RORB: variants seen among roughly 807,000 people sequenced by gnomAD.
The protein encoded by RORB is nuclear receptor ROR-beta.
In RORB, 6 loss-of-function variants were observed where a neutral mutation model predicts 59.1. The observed-to-expected ratio is 0.10, with a 90% CI of 0.06 to 0.20. RORB has a LOEUF of 0.20. Ranked by LOEUF, RORB falls within the 10% of genes least tolerant of loss-of-function variation. The pLI is 1.00. For synonymous variants in RORB, 215 were observed against 204.5 expected, an observed-to-expected ratio of 1.05 and a Z score of -0.44; for missense variants, 320 against 560.5, an observed-to-expected ratio of 0.57 and a Z score of 4.33.
At chr9:74,554,015 G>C (rs1358364253) in intron 1 of RORB, among the ~76,000 whole-genome samples, 4 of 152,172 alleles carry the variant, frequency 2.6e-5, no homozygotes, top group African/African-American at 9.6e-5. Flanking sequence ...CCAATTAACA[G>C]TTGGAGATCG....
intron 1 of RORB, among the ~76,000 whole-genome samples, chr9:74,627,201 G>A (rs1478557292): frequency 1.3e-5 from 2 of 150,350 alleles, no homozygotes; most frequent in African/African-American, 4.9e-5. Context: ...CTGCAGCTCA[G>A]AAGCAGTTTA....
chr9:74,520,662 C>A (rs1162462511), intron 1 of RORB, among the ~76,000 whole-genome samples: 1 of 151,704 alleles, frequency 6.6e-6, no homozygotes, highest in Admixed American at 6.6e-5. Context: ...CAATAATATA[C>A]AATATTTCAA....
At chr9:74,588,749 G>A (rs909886867) in intron 1 of RORB, among the ~76,000 whole-genome samples, 1 of 152,130 alleles carries the variant, frequency 6.6e-6, no homozygotes, top group African/African-American at 2.4e-5. Context: ...GCTATCAATG[G>A]AATCTTGTTT....
At chr9:74,646,148 A>T (rs1367685786) in intron 4 of RORB, among the ~76,000 whole-genome samples, 1 of 151,872 alleles carries the variant, frequency 6.6e-6, no homozygotes, top group Non-Finnish European at 1.5e-5. Context: ...AAAAAATTTA[A>T]CATCACCCTT....
intron 3 of RORB, among the ~76,000 whole-genome samples, chr9:74,635,415 C>T (rs1180845848): frequency 1.3e-5 from 2 of 152,298 alleles, no homozygotes; most frequent in African/African-American, 2.4e-5. Flanking sequence ...CTTGGCTTCC[C>T]AAGGGAACAT....
chr9:74,555,550 T>C (rs978524998), intron 1 of RORB, among the ~76,000 whole-genome samples: 4 of 152,250 alleles, frequency 2.6e-5, no homozygotes, highest in Non-Finnish European at 4.4e-5. Context: ...CAAAGTCACA[T>C]ATCTTTAAAA....
rs1449798109 is a variant in RORB at position 74,655,151 on chromosome 9, T to C, written c.638-5466T>C. The stretch of plus-strand genomic sequence containing the variant: ...TCTTAGTAAATTGAACAAACCTCTG[T>C]CTCACTGAACACATGTAGGGAATCT... On this transcript the variant is annotated intron_variant, in intron 4 of 9. Coordinates refer to ENST00000376896, the MANE Select transcript of RORB (RefSeq NM_006914.4). Among the ~76,000 whole-genome samples, 6 of 152,204 alleles carry C rather than the reference T, an allele frequency of 3.9e-5. No homozygotes were observed. The East Asian group carries it at 9.6e-4, about 24-fold the overall frequency.
chr9:74,535,734 CA>C (rs1826312996), intron 1 of RORB, among the ~76,000 whole-genome samples: 2 of 151,746 alleles, frequency 1.3e-5, no homozygotes, highest in Admixed American at 1.3e-4. Context: ...ATGAGCTATC[CA>C]AATTCAGAAA....
At chr9:74,675,344 A>G (rs779343631) in intron 9 of RORB, among the ~76,000 whole-genome samples, 17 of 150,818 alleles carry the variant, frequency 1.1e-4, no homozygotes, top group Non-Finnish European at 2.4e-4. Flanking sequence ...AAATAAATAT[A>G]CATATATATT....
intron 1 of RORB, among the ~76,000 whole-genome samples, chr9:74,510,700 G>T (rs1341806511): frequency 6.6e-6 from 1 of 152,048 alleles, no homozygotes; most frequent in Non-Finnish European, 1.5e-5. Flanking sequence ...ATATAAAAGA[G>T]TGCTTTTTAA....
chr9:74,618,974 T>A (rs1204094404), intron 1 of RORB, among the ~76,000 whole-genome samples: 1 of 152,188 alleles, frequency 6.6e-6, no homozygotes, highest in Non-Finnish European at 1.5e-5. Flanking sequence ...TATTAACATT[T>A]TTTGCACAAA....
At position 74,667,794 on chromosome 9, in the gene RORB, C is replaced by T. The variant is rs2118532764; in HGVS notation, c.1004C>T (p.Ser335Phe). 6.3e-7 allele frequency: 1 copy of T among 1,599,504 alleles called. No homozygotes were observed. The highest frequency in any genetic ancestry group is 8.6e-7 in the Non-Finnish European group (1 of 1,166,860). The change falls in exon 8 of 10, where the codon TCT becomes TTT. Residue 335 changes from serine (S) to phenylalanine (F), a missense_variant. Coordinates refer to ENST00000376896, the MANE Select transcript of RORB (RefSeq NM_006914.4). ...CATTTTTCTTCTTCCTTTATAGGTT[C>T]TGATGACCTAGTGAATGAAGCATTT... ...GGMQMFKALGSDDLVNEAFDF... is the reference protein window; with the variant it reads ...GGMQMFKALGFDDLVNEAFDF...
At chr9:74,672,556 C>T (rs983244753) in intron 9 of RORB, among the ~76,000 whole-genome samples, 1 of 152,142 alleles carries the variant, frequency 6.6e-6, no homozygotes, top group African/African-American at 2.4e-5. Context: ...ATCCATGCAA[C>T]ATGTCATCAA....
At chr9:74,593,394 A>T (rs1177633596) in intron 1 of RORB, among the ~76,000 whole-genome samples, 1 of 143,848 alleles carries the variant, frequency 7.0e-6, no homozygotes, top group Non-Finnish European at 1.5e-5. Context: ...TGAACCTGGG[A>T]GGTGGAGGTT....
intron 1 of RORB, among the ~76,000 whole-genome samples, chr9:74,571,459 C>CA (rs1822550462): frequency 1.3e-5 from 2 of 150,156 alleles, no homozygotes; most frequent in Admixed American, 6.6e-5. Flanking sequence ...TTGTTCTCTC[C>CA]AAAAAAAGGG....
rs542640284 is a variant in RORB, at chr9:74,628,726, C to A, written c.8-1556C>A. ...ATCCAAGTGGCAGATTGATATACAA[C>A]GCATTTTGAAGTATATTTTGCATAA... On this transcript the variant is annotated intron_variant, in intron 1 of 9. Coordinates refer to ENST00000376896, the MANE Select transcript of RORB (RefSeq NM_006914.4). 7.2e-5 allele frequency among the ~76,000 whole-genome samples: 11 copies of A among 152,198 alleles called. No homozygotes were observed. The South Asian group carries it at 2.3e-3, about 32-fold the overall frequency.
chr9:74,534,877 A>G (rs1013713580), intron 1 of RORB, among the ~76,000 whole-genome samples: 5 of 152,062 alleles, frequency 3.3e-5, no homozygotes, highest in Non-Finnish European at 5.9e-5. Context: ...CAGACTCACA[A>G]TTGGATTTGG....
chr9:74,622,395 G>A (rs1391273893), intron 1 of RORB, among the ~76,000 whole-genome samples: 1 of 152,088 alleles, frequency 6.6e-6, no homozygotes, highest in Non-Finnish European at 1.5e-5. Context: ...TCTCTTCACA[G>A]AGAGGAGAGG....
intron 4 of RORB, among the ~76,000 whole-genome samples, chr9:74,645,218 A>T (rs773727369): frequency 6.6e-6 from 1 of 152,190 alleles, no homozygotes; most frequent in Non-Finnish European, 1.5e-5. Flanking sequence ...AATGCCACCT[A>T]GTGGACACAA....
Sources: allele counts gnomAD v4.1 joint callset (sites outside exome capture counted in the v4.1 genomes callset), GRCh38; gene constraint gnomAD v4.1.1; transcripts MANE v1.5; gene names NCBI Gene and HGNC (gene_info 2026-07-23, HGNC 2026-07-21).